RBM33: variants seen among roughly 807,000 people sequenced by gnomAD.
RBM33 encodes the protein RNA binding motif protein 33.
In RBM33, 28 loss-of-function variants were observed where a neutral mutation model predicts 132.6. The ratio of observed to expected loss-of-function variants is 0.21; its 90% CI spans 0.16 to 0.29. RBM33 has a LOEUF of 0.29. Among genes scored for constraint, RBM33 ranks in the 10% least tolerant of loss-of-function variants. The pLI is 1.00. For missense variants in RBM33, 1,291 were observed against 1,518.5 expected (o/e 0.85, Z 2.49); for synonymous variants, 634 against 593.0 (o/e 1.07, Z -1.01).
chr7:155,758,582 G>A (rs1801927910), intron 14 of RBM33, among the ~76,000 whole-genome samples: 1 of 152,214 alleles, frequency 6.6e-6, no homozygotes, highest in African/African-American at 2.4e-5. Flanking sequence ...ATGCAGCTCA[G>A]TTCCTAACAG....
chr7:155,686,357 A>G (rs1799476972), intron 5 of RBM33, among the ~76,000 whole-genome samples: 1 of 152,232 alleles, frequency 6.6e-6, no homozygotes, highest in Non-Finnish European at 1.5e-5. Flanking sequence ...TAGCCAGTAA[A>G]GGAGAGAGAA....
At chr7:155,673,467 TATAC>T (rs1219200027) in intron 3 of RBM33, among the ~76,000 whole-genome samples, 2 of 149,110 alleles carry the variant, frequency 1.3e-5, no homozygotes, top group African/African-American at 2.5e-5. Flanking sequence ...CACATATATA[TATAC>T]ATACACGTGT....
At chr7:155,646,727 T>C (rs963700183) in intron 1 of RBM33, among the ~76,000 whole-genome samples, 1 of 152,218 alleles carries the variant, frequency 6.6e-6, no homozygotes, top group African/African-American at 2.4e-5. Context: ...AGCACCTTTG[T>C]TTGTTTTCTT....
chr7:155,673,768 G>GCGCACA (rs1554469952), intron 3 of RBM33, among the ~76,000 whole-genome samples: 7,852 of 132,912 alleles, frequency 0.059, 443 homozygotes, highest in South Asian at 0.11. Flanking sequence ...GCGCATGCGC[G>GCGCACA]CACACACACA....
intron 2 of RBM33, 91 bp downstream of exon 2, chr7:155,665,344 C>T: frequency 9.1e-7 from 1 of 1,103,842 alleles, no homozygotes; most frequent in Non-Finnish European, 1.4e-6. Context: ...GAACGCAGCA[C>T]CTTGACTACC....
intron 14 of RBM33, among the ~76,000 whole-genome samples, chr7:155,749,850 A>G (rs936500773): frequency 1.3e-5 from 2 of 152,238 alleles, no homozygotes; most frequent in Non-Finnish European, 2.9e-5. Flanking sequence ...ATCACTTGCT[A>G]TGTGCTGTGT....
chr7:155,688,434 T>C (rs903395746), intron 5 of RBM33, among the ~76,000 whole-genome samples: 4 of 152,228 alleles, frequency 2.6e-5, no homozygotes, highest in Non-Finnish European at 5.9e-5. Flanking sequence ...AGGGACAATT[T>C]GACTTCCTCT....
At chr7:155,733,330 CA>C (rs1801012003) in intron 9 of RBM33, among the ~76,000 whole-genome samples, 1 of 142,576 alleles carries the variant, frequency 7.0e-6, no homozygotes, top group African/African-American at 2.7e-5. Flanking sequence ...AAACTCCCCC[CA>C]CTGCGTTTTT....
chr7:155,649,597 G>A (rs1334963747), intron 1 of RBM33, among the ~76,000 whole-genome samples: 2 of 152,146 alleles, frequency 1.3e-5, no homozygotes, highest in East Asian at 1.9e-4. Context: ...AATTTTGGAA[G>A]TCAGAATGTC....
At chr7:155,660,982 A>G (rs1798622310) in intron 1 of RBM33, among the ~76,000 whole-genome samples, 1 of 151,686 alleles carries the variant, frequency 6.6e-6, no homozygotes. Flanking sequence ...TTTCAAGTTT[A>G]CTAAGTCTGC....
intron 9 of RBM33, among the ~76,000 whole-genome samples, chr7:155,727,516 G>A (rs542865459): frequency 3.9e-5 from 6 of 152,236 alleles, no homozygotes; most frequent in Middle Eastern, 3.4e-3. Flanking sequence ...CCACTTGTGT[G>A]CAAAACAAAA....
intron 16 of RBM33, among the ~76,000 whole-genome samples, chr7:155,772,088 A>G (rs1192857811): frequency 1.3e-5 from 2 of 152,244 alleles, no homozygotes; most frequent in South Asian, 2.1e-4. Flanking sequence ...AAGGTCCATT[A>G]TTGTAGTTCT....
rs549648541 is a variant in RBM33 at position 155,681,033 on chromosome 7, C to T, written c.567+125C>T. 1.8e-4 allele frequency: 131 copies of T among 722,620 alleles called. No individual in the cohort carries two copies. The African/African-American group carries it at 2.2e-3, about 12-fold the overall frequency. The allele number at this position is 722,620 out of a possible 1,614,324, so 44.8% of individuals were successfully genotyped here. On this transcript the variant is annotated intron_variant, in intron 5 of 17. Transcript: ENST00000401878. ...GGAAATTAGACCTTATTATCACTCT[C>T]TGCCAGTTTCTTTATCTGAGCTATG...
At chr7:155,736,910 C>T (rs1038959983) in intron 9 of RBM33, among the ~76,000 whole-genome samples, 2 of 152,114 alleles carry the variant, frequency 1.3e-5, no homozygotes, top group African/African-American at 4.8e-5. Context: ...GACTTAATTT[C>T]TAGTTGCTGC....
intron 9 of RBM33, among the ~76,000 whole-genome samples, chr7:155,733,538 C>T (rs891664001): frequency 3.0e-4 from 27 of 90,296 alleles, no homozygotes; most frequent in African/African-American, 1.4e-3. Flanking sequence ...GCCCTGGTAT[C>T]GACAGTGGTG....
rs1414511482 is a variant in RBM33 at position 155,775,049 on chromosome 7, CA to C, written c.*10del. On this transcript the variant is annotated 3_prime_UTR_variant, in exon 18 of 18. Transcript: ENST00000401878. Reference sequence around the variant, plus strand: ...GCCCTGATCGTGGAGTGAGTCCTAACAAGAGAGCCTGACCTTAGGCTGTACA... The same window carrying C: ...GCCCTGATCGTGGAGTGAGTCCTAACAGAGAGCCTGACCTTAGGCTGTACA... 1.9e-6 allele frequency: 3 copies of C among 1,611,348 alleles called. No homozygotes were observed. Among genetic ancestry groups the C allele is most frequent in the Non-Finnish European group, 2.5e-6 (3 of 1,177,648 alleles).
At chr7:155,761,865 T>G (rs2117064583) in intron 14 of RBM33, among the ~76,000 whole-genome samples, 1 of 152,328 alleles carries the variant, frequency 6.6e-6, no homozygotes, top group South Asian at 2.1e-4. Context: ...AGGTAGAAAC[T>G]CAAATGACTG....
rs538392225 is a variant in RBM33 at position 155,727,064 on chromosome 7, C to T, written c.1260+8621C>T. Among the ~76,000 whole-genome samples, 12 of 152,334 alleles carry T rather than the reference C, an allele frequency of 7.9e-5. No homozygotes were observed. The South Asian group carries it at 8.3e-4, about 11-fold the overall frequency. ...AGGCTGTGAACCAGGCTGCGTTTAA[C>T]AGAAAACTTAGTTAACAGTGACTGT... On this transcript the variant is annotated intron_variant, in intron 9 of 17. Coordinates refer to ENST00000401878, the MANE Select transcript of RBM33 (RefSeq NM_053043.3).
At chr7:155,695,574 C>T (rs563342798) in intron 5 of RBM33, among the ~76,000 whole-genome samples, 11 of 152,268 alleles carry the variant, frequency 7.2e-5, no homozygotes, top group African/African-American at 2.6e-4. Flanking sequence ...ATTCTCCTGC[C>T]TCAGCCTCCT....
Sources: allele counts gnomAD v4.1 joint callset (sites outside exome capture counted in the v4.1 genomes callset), GRCh38; gene constraint gnomAD v4.1.1; transcripts MANE v1.5; gene names NCBI Gene and HGNC (gene_info 2026-07-23, HGNC 2026-07-21).